Variants in RTL4 observed in about 807,000 individuals in gnomAD.
The protein encoded by RTL4 is retrotransposon Gag-like protein 4.
Under a neutral mutation model 5.3 loss-of-function variants are expected in RTL4, and 4 were observed. The observed-to-expected ratio is 0.75, with a 90% CI of 0.37 to 1.72. The LOEUF is 1.72. Ranked by LOEUF, RTL4 falls within the 40% of genes most tolerant of loss-of-function variation. The probability of loss-of-function intolerance (pLI) is 0.04; values close to 1 mark genes in which losing one functional copy is unlikely to be tolerated. For missense variants in RTL4, 260 were observed against 227.1 expected, an observed-to-expected ratio of 1.14 and a Z score of -0.93; for synonymous variants, 98 against 87.3, an observed-to-expected ratio of 1.12 and a Z score of -0.68.
the RTL4 span, among the ~76,000 whole-genome samples, chrX:112,107,832 T>C: frequency 1.8e-5 from 2 of 112,020 alleles, no homozygotes; most frequent in Non-Finnish European, 3.8e-5. Context: ...GGCTGTCCTA[T>C]ACTTGAATTC....
the RTL4 span, among the ~76,000 whole-genome samples, chrX:112,337,771 A>T: frequency 3.5e-3 from 391 of 110,587 alleles, 3 homozygotes; most frequent in African/African-American, 0.012. Flanking sequence ...GGTTGTTTCT[A>T]CTGTCAGCTC....
At chrX:112,389,031 G>A in the RTL4 span, among the ~76,000 whole-genome samples, 3 of 110,651 alleles carry the variant, frequency 2.7e-5, no homozygotes, top group East Asian at 5.7e-4. Context: ...TTTGGCTGTG[G>A]ATCCATTCAG....
the RTL4 span, among the ~76,000 whole-genome samples, chrX:112,325,165 G>A: frequency 1.8e-5 from 2 of 111,643 alleles, no homozygotes; most frequent in Non-Finnish European, 3.8e-5. Context: ...CAAACAAATG[G>A]AAGAACATTC....
the RTL4 span, among the ~76,000 whole-genome samples, chrX:112,116,111 C>A: frequency 8.9e-6 from 1 of 112,159 alleles, no homozygotes; most frequent in African/African-American, 3.2e-5. Flanking sequence ...GCCTGACATC[C>A]GTGTCTTTAG....
chrX:112,146,492 C>T, the RTL4 span, among the ~76,000 whole-genome samples: 6 of 110,754 alleles, frequency 5.4e-5, no homozygotes, highest in Non-Finnish European at 7.5e-5. Flanking sequence ...TTTGAACATA[C>T]GGAGATAATT....
At chrX:112,271,925 T>A in the RTL4 span, among the ~76,000 whole-genome samples, 1 of 112,177 alleles carries the variant, frequency 8.9e-6, no homozygotes, top group Non-Finnish European at 1.9e-5. Context: ...TGTTAAAATG[T>A]AACAATATGA....
At chrX:112,381,715 G>T in the RTL4 span, 1 of 1,197,153 alleles carries the variant, frequency 8.4e-7, no homozygotes, top group South Asian at 1.8e-5. Context: ...AGGCAATGAG[G>T]GACATTGCTA....
chrX:112,120,421 C>T, the RTL4 span, among the ~76,000 whole-genome samples: 9 of 110,932 alleles, frequency 8.1e-5, no homozygotes, highest in East Asian at 5.7e-4. Flanking sequence ...GGACTACAGG[C>T]GCCCGCCACC....
At chrX:112,279,416 G>GT in the RTL4 span, among the ~76,000 whole-genome samples, 2 of 111,807 alleles carry the variant, frequency 1.8e-5, no homozygotes, top group African/African-American at 6.5e-5. Flanking sequence ...ATGGAGCCAT[G>GT]TTTTTTAAAT....
chrX:112,408,865 G>A, the RTL4 span, among the ~76,000 whole-genome samples: 1 of 112,305 alleles, frequency 8.9e-6, no homozygotes, highest in Non-Finnish European at 1.9e-5. Context: ...GGAGAAAGTG[G>A]CATGACATAG....
chrX:112,185,966 G>A, the RTL4 span, among the ~76,000 whole-genome samples: 1 of 110,745 alleles, frequency 9.0e-6, no homozygotes, highest in African/African-American at 3.3e-5. Flanking sequence ...AGGGAAGTGG[G>A]GGATAACAAA....
the RTL4 span, among the ~76,000 whole-genome samples, chrX:112,243,137 T>C: frequency 3.6e-5 from 4 of 111,574 alleles, no homozygotes; most frequent in South Asian, 3.8e-4. Flanking sequence ...ATCAGGGATA[T>C]TGGTCTAAAA....
chrX:112,393,243 G>T, the RTL4 span, among the ~76,000 whole-genome samples: 11 of 100,925 alleles, frequency 1.1e-4, 1 homozygote, highest in South Asian at 9.5e-4. Context: ...GCGCGATCTC[G>T]GCTCACTGCA....
the RTL4 span, among the ~76,000 whole-genome samples, chrX:112,323,985 G>C: frequency 8.9e-6 from 1 of 112,237 alleles, no homozygotes; most frequent in African/African-American, 3.2e-5. Context: ...ATTCAATGCA[G>C]AAATTTTTAG....
the RTL4 span, among the ~76,000 whole-genome samples, chrX:112,199,884 TA>T: frequency 8.9e-6 from 1 of 112,580 alleles, no homozygotes; most frequent in South Asian, 3.6e-4. Flanking sequence ...TTCTTAATTG[TA>T]AAAAGACTAG....
the RTL4 span, among the ~76,000 whole-genome samples, chrX:112,433,635 G>T: frequency 1.4e-3 from 69 of 49,149 alleles, no homozygotes; most frequent in African/African-American, 3.4e-3. Flanking sequence ...ATTTTGGGCT[G>T]AGACAATGGG....
At chrX:112,093,824 C>T in the RTL4 span, among the ~76,000 whole-genome samples, 1 of 111,505 alleles carries the variant, frequency 9.0e-6, no homozygotes, top group Non-Finnish European at 1.9e-5. Context: ...AAGGTAATAG[C>T]GTATGTGAGA....
the RTL4 span, among the ~76,000 whole-genome samples, chrX:112,140,289 C>G: frequency 1.8e-5 from 2 of 111,217 alleles, no homozygotes; most frequent in African/African-American, 6.5e-5. Context: ...TCCAAGTATC[C>G]CTGGTTCCTT....
the RTL4 span, among the ~76,000 whole-genome samples, chrX:112,422,448 T>C: frequency 9.0e-6 from 1 of 111,118 alleles, no homozygotes. Context: ...GCTGGCATCA[T>C]AGATAGCAAA....
Sources: gnomAD v4.1 joint callset for allele counts (sites outside exome capture counted in the v4.1 genomes callset) on GRCh38, gnomAD v4.1.1 for gene constraint, MANE v1.5 for transcripts, NCBI Gene and HGNC (gene_info 2026-07-23, HGNC 2026-07-21) for gene names.